SIPA1L3: variants seen among roughly 807,000 people sequenced by gnomAD.
SIPA1L3 encodes signal induced proliferation associated 1 like 3.
SIPA1L3 carries 59 observed loss-of-function variants against 150.1 expected under a neutral mutation model. That is an observed-to-expected ratio of 0.39 (90% CI 0.32 to 0.49). The LOEUF is 0.49. Ranked by LOEUF, SIPA1L3 falls within the 20% of genes least tolerant of loss-of-function variation. The pLI is 0.86. For missense variants in SIPA1L3, 2,211 were observed against 2,489.5 expected (o/e 0.89, Z 2.38); for synonymous variants, 1,070 against 1,077.6 (o/e 0.99, Z 0.14).
intron 2 of SIPA1L3, among the ~76,000 whole-genome samples, chr19:38,062,351 G>A (rs1969464009): frequency 6.6e-6 from 1 of 152,198 alleles, no homozygotes; most frequent in Non-Finnish European, 1.5e-5. Flanking sequence ...CTGGGTTCAA[G>A]TCCCTCTTCT....
At chr19:37,922,651 C>G (rs959181928) in intron 1 of SIPA1L3, among the ~76,000 whole-genome samples, 1 of 151,448 alleles carries the variant, frequency 6.6e-6, no homozygotes, top group Non-Finnish European at 1.5e-5. Context: ...CCTCGGCCTC[C>G]CAGAGTGCTG....
intron 1 of SIPA1L3, among the ~76,000 whole-genome samples, chr19:38,018,147 T>C (rs1041573590): frequency 6.7e-6 from 1 of 148,748 alleles, no homozygotes; most frequent in Non-Finnish European, 1.5e-5. Flanking sequence ...TGGATAGCCC[T>C]TTGAGTGTCT....
intron 2 of SIPA1L3, among the ~76,000 whole-genome samples, chr19:38,079,503 C>T (rs1969928436): frequency 6.6e-6 from 1 of 151,462 alleles, no homozygotes; most frequent in South Asian, 2.1e-4. Context: ...GACCGGGCTT[C>T]TCTGTCTCTA....
intron 2 of SIPA1L3, among the ~76,000 whole-genome samples, chr19:38,060,297 C>T (rs528510734): frequency 1.3e-5 from 2 of 152,254 alleles, no homozygotes; most frequent in Admixed American, 1.3e-4. Context: ...GGAGTTAATG[C>T]ATTTCTGGTC....
At chr19:38,024,987 T>C (rs1968468156) in intron 1 of SIPA1L3, among the ~76,000 whole-genome samples, 1 of 152,178 alleles carries the variant, frequency 6.6e-6, no homozygotes, top group African/African-American at 2.4e-5. Context: ...ATTTCCAGAC[T>C]CTGCCTTTCT....
chr19:38,034,973 G>T (rs1461815065), intron 2 of SIPA1L3, among the ~76,000 whole-genome samples: 1 of 152,192 alleles, frequency 6.6e-6, no homozygotes, highest in Admixed American at 6.5e-5. Flanking sequence ...GGGTGGCTCT[G>T]CCCTCATGCG....
At position 38,047,715 on chromosome 19, in the gene SIPA1L3, C is replaced by A. The variant is rs1969093005; in HGVS notation, c.-311+18559C>A. On this transcript the variant is annotated intron_variant, in intron 2 of 21. Coordinates refer to ENST00000222345, the MANE Select transcript of SIPA1L3 (RefSeq NM_015073.3). The surrounding 1 kb of genome is among the most constrained non-coding windows in gnomAD (Gnocchi z 4.7). ...CCTTGATGCTGACGGAGGGATGTGACACCGCAGCCAGCCAGGTCTCCTCAT... is the reference window on the plus strand; with the variant it reads ...CCTTGATGCTGACGGAGGGATGTGAAACCGCAGCCAGCCAGGTCTCCTCAT... Among the ~76,000 whole-genome samples, 2 of 152,178 alleles carry A rather than the reference C, an allele frequency of 1.3e-5. No individual in the cohort carries two copies. The highest frequency in any genetic ancestry group is 2.4e-5 in the African/African-American group (1 of 41,420).
intron 9 of SIPA1L3, 103 bp downstream of exon 9, chr19:38,119,985 C>T: frequency 2.7e-6 from 2 of 752,684 alleles, no homozygotes; most frequent in Admixed American, 2.9e-5. Flanking sequence ...AAGACACGCA[C>T]TGGCCCGGAG....
At chr19:38,101,785 C>T (rs1186416930) in intron 6 of SIPA1L3, among the ~76,000 whole-genome samples, 1 of 152,154 alleles carries the variant, frequency 6.6e-6, no homozygotes, top group East Asian at 1.9e-4. Flanking sequence ...TGACTCAGCT[C>T]CTGCACTCCT....
intron 12 of SIPA1L3, among the ~76,000 whole-genome samples, chr19:38,144,435 A>T (rs1178462083): frequency 2.0e-5 from 3 of 152,200 alleles, no homozygotes. Flanking sequence ...AGGCCACCAA[A>T]CCAGTGGTTC....
At chr19:37,958,517 A>G (rs935211261) in intron 1 of SIPA1L3, among the ~76,000 whole-genome samples, 3 of 152,236 alleles carry the variant, frequency 2.0e-5, no homozygotes, top group African/African-American at 7.2e-5. Flanking sequence ...ATTAACTCAA[A>G]GTAGATCATA....
At chr19:38,070,054 A>C (rs1448302471) in intron 2 of SIPA1L3, among the ~76,000 whole-genome samples, 2 of 151,766 alleles carry the variant, frequency 1.3e-5, no homozygotes, top group Non-Finnish European at 2.9e-5. Flanking sequence ...GAGCATCCCC[A>C]TCTGGCCTTG....
chr19:37,971,719 C>T (rs1432724105), intron 1 of SIPA1L3, among the ~76,000 whole-genome samples: 1 of 152,060 alleles, frequency 6.6e-6, no homozygotes, highest in African/African-American at 2.4e-5. Context: ...CGTGTGACAC[C>T]ATGCCCAGCT....
Position 38,082,867 on chromosome 19 carries a change from C to G in SIPA1L3, c.1302C>G (p.Ile434Met), listed in dbSNP as rs368559210. Residue 434 changes from isoleucine to methionine, a missense_variant, in exon 3 of 22, where the codon ATC (isoleucine) becomes ATG (methionine). Ile to Met is a conservative substitution (Grantham distance 10). Transcript: ENST00000222345. The stretch of plus-strand genomic sequence containing the variant: ...GCTGCCCGCACTTCCGCAATGAGAT[C>G]GGGGGCGAGTGTGAGCGCAACGTGA... ...LLSCPHFRNE[I>M]GGECERNVSF... 1.2e-6 allele frequency: 2 copies of G among 1,613,482 alleles called. No individual in the cohort carries two copies.
chr19:38,169,956 A>G (rs1456175093), intron 15 of SIPA1L3, among the ~76,000 whole-genome samples: 1 of 149,112 alleles, frequency 6.7e-6, no homozygotes, highest in Non-Finnish European at 1.5e-5. Context: ...CCAGGGTGAG[A>G]TGAGGGGCCC....
intron 2 of SIPA1L3, among the ~76,000 whole-genome samples, chr19:38,044,240 G>A (rs1182051727): frequency 6.6e-6 from 1 of 152,194 alleles, no homozygotes; most frequent in African/African-American, 2.4e-5. Context: ...TCTGTTCGGT[G>A]CTGGGTGCCC....
Position 37,979,753 on chromosome 19 carries a change from G to T in SIPA1L3, c.-378-49336G>T, listed in dbSNP as rs529881185. 1.4e-4 allele frequency among the ~76,000 whole-genome samples: 22 copies of T among 152,282 alleles called. No homozygotes were observed. The South Asian group carries it at 3.5e-3, about 24-fold the overall frequency. On this transcript the variant is annotated intron_variant, in intron 1 of 21. Transcript: ENST00000222345. ...TGGCCCTTTACAGAAGAAGTTTGCT[G>T]ATCCCTGCACTACACACTTTCCTTT...
chr19:38,183,279 C>T (rs1264788259), intron 16 of SIPA1L3, among the ~76,000 whole-genome samples: 1 of 151,278 alleles, frequency 6.6e-6, no homozygotes, highest in Non-Finnish European at 1.5e-5. Flanking sequence ...GTCGCTGTGG[C>T]TGCGTGTGGG....
chr19:37,938,618 T>TTTTATC (rs2046623057), intron 1 of SIPA1L3, among the ~76,000 whole-genome samples: 2 of 150,704 alleles, frequency 1.3e-5, no homozygotes, highest in African/African-American at 4.9e-5. Flanking sequence ...TCTTTTTTTC[T>TTTTATC]TTTTTCTTTT....
Sources: allele counts gnomAD v4.1 joint callset (sites outside exome capture counted in the v4.1 genomes callset), GRCh38; gene constraint gnomAD v4.1.1; non-coding constraint Gnocchi (gnomAD v3.1); transcripts MANE v1.5; gene names NCBI Gene and HGNC (gene_info 2026-07-23, HGNC 2026-07-21).